The following DNAH6 variants were observed in gnomAD, a reference collection of about 807,000 sequenced individuals.
DNAH6 encodes dynein axonemal heavy chain 6.
Under a neutral mutation model 491.4 loss-of-function variants are expected in DNAH6, and 340 were observed. That is an observed-to-expected ratio of 0.69 (90% CI 0.63 to 0.76). The LOEUF (loss-of-function observed/expected upper bound fraction) is 0.76, where lower values mean the gene tolerates loss of function less well. DNAH6 is among the 30% of genes least tolerant of loss of function. DNAH6 has a pLI of 0.00. For missense variants in DNAH6, 4,443 were observed against 4,972.2 expected, an observed-to-expected ratio of 0.89 and a Z score of 3.20; for synonymous variants, 1,603 against 1,686.1, an observed-to-expected ratio of 0.95 and a Z score of 1.21.
intron 29 of DNAH6, among the ~76,000 whole-genome samples, chr2:84,633,466 A>G (rs1688590031): frequency 6.6e-6 from 1 of 152,032 alleles, no homozygotes; most frequent in African/African-American, 2.4e-5. Flanking sequence ...AAACCCAATC[A>G]TTCCAAGTGT....
chr2:84,688,902 A>G (rs1414110082), intron 45 of DNAH6, among the ~76,000 whole-genome samples: 1 of 152,238 alleles, frequency 6.6e-6, no homozygotes, highest in Non-Finnish European at 1.5e-5. Flanking sequence ...CGGTATAACA[A>G]TGCTAGTTCC....
intron 63 of DNAH6, among the ~76,000 whole-genome samples, chr2:84,746,306 T>C (rs559209920): frequency 6.6e-5 from 10 of 152,082 alleles, no homozygotes; most frequent in Middle Eastern, 3.4e-3. Context: ...AAAGTGAAGC[T>C]CTGATTGCCA....
chr2:84,541,164 T>C (rs534818094), intron 4 of DNAH6, among the ~76,000 whole-genome samples: 14 of 152,272 alleles, frequency 9.2e-5, no homozygotes, highest in African/African-American at 3.1e-4. Context: ...GTCATCATCA[T>C]AGGAGTCGTG....
chr2:84,756,556 G>A (rs531705721), intron 63 of DNAH6, among the ~76,000 whole-genome samples: 18 of 152,298 alleles, frequency 1.2e-4, no homozygotes, highest in African/African-American at 4.1e-4. Context: ...CCAGGATTCT[G>A]ATAGGTCACC....
chr2:84,595,634 A>T lies in DNAH6; in HGVS notation c.2725-12A>T. The T allele has an allele frequency of 6.6e-7, 1 of 1,515,618 alleles. No homozygotes were observed. Among genetic ancestry groups the T allele is most frequent in the Non-Finnish European group, 8.8e-7 (1 of 1,133,822 alleles). 93.9% of individuals were successfully genotyped at this position (1,515,618 alleles called of 1,614,324 possible). ...TTTAACTTGTTTTGCTTTGTTTTTA[A>T]ATTTTTCATAGTCCAAATTTGATTG... On this transcript the variant is annotated splice_polypyrimidine_tract_variant and intron_variant, in intron 17 of 76. Transcript: ENST00000389394.
At chr2:84,464,027 A>G in the DNAH6 span, among the ~76,000 whole-genome samples, 1 of 152,116 alleles carries the variant, frequency 6.6e-6, no homozygotes. Flanking sequence ...TCCTTTCACC[A>G]GAGTTTTGTC....
At position 84,798,714 on chromosome 2, in the gene DNAH6, G is replaced by A. The variant is rs185569832; in HGVS notation, c.11481+1056G>A. Among the ~76,000 whole-genome samples the A allele has an allele frequency of 7.1e-4, 108 of 152,298 alleles. 1 individual carries two copies. Among genetic ancestry groups the A allele is most frequent in the African/African-American group, 2.4e-3 (100 of 41,566 alleles). On this transcript the variant is annotated intron_variant, in intron 70 of 76. Transcript: ENST00000389394. ...ACCACCTCTGAGGCCGCTCCTGTGG[G>A]AGAGTGCCCACAGCACAGCCTCCAC... is the stretch of plus-strand genomic sequence containing the variant.
At chr2:84,746,183 A>G (rs763201515) in intron 63 of DNAH6, among the ~76,000 whole-genome samples, 1 of 152,234 alleles carries the variant, frequency 6.6e-6, no homozygotes, top group African/African-American at 2.4e-5. Flanking sequence ...AGAGAGATAT[A>G]TGAATTAGAA....
chr2:84,819,002 G>C (rs988566134), intron 76 of DNAH6, among the ~76,000 whole-genome samples: 2 of 152,082 alleles, frequency 1.3e-5, no homozygotes, highest in African/African-American at 4.8e-5. Flanking sequence ...GAACCCAGGA[G>C]GGCAGAGGTT....
chr2:84,665,263 G>GGA (rs1308158426), intron 37 of DNAH6, among the ~76,000 whole-genome samples: 1 of 152,158 alleles, frequency 6.6e-6, no homozygotes, highest in South Asian at 2.1e-4. Context: ...CAGAACTGAA[G>GGA]GAGAGAGAGA....
At position 84,640,526 on chromosome 2, in the gene DNAH6, G is replaced by T. The variant is rs1689288559; in HGVS notation, c.4918G>T (p.Asp1640Tyr). ...KLCSEQLSQQDHYDFGMRAVK... is the reference protein window; with the variant it reads ...KLCSEQLSQQYHYDFGMRAVK... ...TTGCAGTGAGCAGCTGTCTCAGCAG[G>T]ATCACTACGACTTTGGCATGAGAGC... The change falls in exon 32 of 77, where the codon GAT (aspartate) becomes TAT (tyrosine). Residue 1640 changes from aspartate to tyrosine, a missense_variant. Asp to Tyr is a radical substitution (Grantham distance 160, BLOSUM62 -3). Coordinates refer to ENST00000389394, the MANE Select transcript of DNAH6 (RefSeq NM_001370.2). The T allele has an allele frequency of 3.9e-6, 6 of 1,551,112 alleles. No individual in the cohort carries two copies. Among genetic ancestry groups the T allele is most frequent in the Non-Finnish European group, 5.2e-6 (6 of 1,146,722 alleles).
chr2:84,653,953 G>T, intron 34 of DNAH6, 79 bp downstream of exon 34: 1 of 1,180,936 alleles, frequency 8.5e-7, no homozygotes, highest in East Asian at 2.6e-5. Context: ...TCACACTGAT[G>T]TAGCCTTTAC....
Position 84,646,213 on chromosome 2 carries a change from C to T in DNAH6, c.5078+4159C>T, listed in dbSNP as rs536390439. On this transcript the variant is annotated intron_variant, in intron 33 of 76. Coordinates refer to ENST00000389394, the MANE Select transcript of DNAH6 (RefSeq NM_001370.2). ...TATTGCAGTTGTTCTGGGAGCACCA[C>T]AAACTGCACCCATACATAACAGCAA... 1.4e-4 allele frequency among the ~76,000 whole-genome samples: 21 copies of T among 152,308 alleles called. No homozygotes were observed. In the South Asian group the frequency reaches 3.1e-3, roughly 23 times the overall value.
At chr2:84,573,444 G>C in intron 11 of DNAH6, 23 bp from the exon 12 acceptor site, 2 of 1,557,000 alleles carry the variant, frequency 1.3e-6, no homozygotes, top group Non-Finnish European at 1.7e-6. Flanking sequence ...GGTCATATTT[G>C]TCTGCTTATT....
intron 17 of DNAH6, 91 bp from the exon 18 acceptor site, chr2:84,595,555 G>T: frequency 8.8e-7 from 1 of 1,141,844 alleles, no homozygotes. Flanking sequence ...GTGTAGATTT[G>T]GATTAACTTT....
chr2:84,533,976 G>A (rs1677429601), intron 4 of DNAH6, among the ~76,000 whole-genome samples: 1 of 152,060 alleles, frequency 6.6e-6, no homozygotes, highest in Non-Finnish European at 1.5e-5. Flanking sequence ...AGCTAGCTGT[G>A]TGTGAACCCT....
Position 84,682,600 on chromosome 2 carries a change from G to A in DNAH6, c.6916+1072G>A, listed in dbSNP as rs532773353. Among the ~76,000 whole-genome samples, 9 of 152,202 alleles carry A rather than the reference G, an allele frequency of 5.9e-5. No homozygotes were observed. In the East Asian group the frequency reaches 1.7e-3, roughly 29 times the overall value. On this transcript the variant is annotated intron_variant, in intron 42 of 76. Coordinates refer to ENST00000389394, the MANE Select transcript of DNAH6 (RefSeq NM_001370.2). ...CTGCTAAACTTGGCATGTCTAAATG[G>A]AACTCTTGCTTTTCCCCTCCACCTT...
the DNAH6 span, among the ~76,000 whole-genome samples, chr2:84,497,296 T>C: frequency 0.85 from 129,244 of 152,086 alleles, 56,298 homozygotes; most frequent in East Asian, 0.99. Flanking sequence ...CTTTTGTGTC[T>C]GGGTTTTTTT....
At position 84,668,248 on chromosome 2, in the gene DNAH6, A is replaced by G. The variant is rs150986407; in HGVS notation, c.6085-1041A>G. Among the ~76,000 whole-genome samples the G allele has an allele frequency of 5.3e-3, 811 of 152,370 alleles. 9 individuals carry two copies. Among genetic ancestry groups the G allele is most frequent in the African/African-American group, 0.019 (772 of 41,592 alleles). Reference sequence around the variant, plus strand: ...AGAACTTAAAGTATAATAATAAAAAAAAACTTTGATTCTGGATAACAATAA... The same window carrying G: ...AGAACTTAAAGTATAATAATAAAAAGAAACTTTGATTCTGGATAACAATAA... On this transcript the variant is annotated intron_variant, in intron 37 of 76. Transcript: ENST00000389394.
Sources: allele counts gnomAD v4.1 joint callset (sites outside exome capture counted in the v4.1 genomes callset), GRCh38; gene constraint gnomAD v4.1.1; transcripts MANE v1.5; gene names NCBI Gene and HGNC (gene_info 2026-07-23, HGNC 2026-07-21).